Variants in SPAG16 observed in about 807,000 individuals in gnomAD.
SPAG16 encodes the protein sperm-associated antigen 16 protein.
A neutral mutation model predicts 80.4 loss-of-function variants in SPAG16; 86 were observed. That is an observed-to-expected ratio of 1.07 (90% CI 0.90 to 1.28). The LOEUF is 1.28. Ranked by LOEUF, SPAG16 falls within the 50% of genes most tolerant of loss-of-function variation. The pLI is 0.00. For missense variants in SPAG16, 870 were observed against 765.3 expected, an observed-to-expected ratio of 1.14 and a Z score of -1.61; for synonymous variants, 294 against 265.9, an observed-to-expected ratio of 1.11 and a Z score of -1.03.
At chr2:213,405,896 G>T (rs1253123316) in intron 9 of SPAG16, among the ~76,000 whole-genome samples, 1 of 152,158 alleles carries the variant, frequency 6.6e-6, no homozygotes, top group Non-Finnish European at 1.5e-5. Flanking sequence ...ATGTTCTAGG[G>T]AGGATAAGAG....
intron 10 of SPAG16, among the ~76,000 whole-genome samples, chr2:213,567,476 T>C (rs2059814823): frequency 8.5e-6 from 1 of 117,560 alleles, no homozygotes; most frequent in Admixed American, 9.3e-5. Flanking sequence ...AGTGAGAATA[T>C]GCGGTGTTTG....
chr2:214,279,790 A>G (rs535208258), intron 15 of SPAG16, among the ~76,000 whole-genome samples: 10 of 152,342 alleles, frequency 6.6e-5, no homozygotes, highest in Non-Finnish European at 1.0e-4. Flanking sequence ...AGTCTTAGTG[A>G]ATTTTAAAAG....
intron 11 of SPAG16, among the ~76,000 whole-genome samples, chr2:213,878,014 T>G (rs1014312806): frequency 9.9e-5 from 15 of 152,140 alleles, no homozygotes; most frequent in Non-Finnish European, 2.2e-4. Flanking sequence ...CATACCCTCT[T>G]CTCTCCAACA....
At chr2:213,850,705 T>C (rs1434719576) in intron 10 of SPAG16, among the ~76,000 whole-genome samples, 1 of 152,160 alleles carries the variant, frequency 6.6e-6, no homozygotes, top group Non-Finnish European at 1.5e-5. Context: ...TTTTTATGAT[T>C]TTCTTCTGGG....
chr2:213,805,354 G>A (rs986778616), intron 10 of SPAG16, among the ~76,000 whole-genome samples: 4 of 152,158 alleles, frequency 2.6e-5, no homozygotes, highest in Non-Finnish European at 5.9e-5. Flanking sequence ...AACTGATGTG[G>A]CATGTGAGGA....
intron 13 of SPAG16, among the ~76,000 whole-genome samples, chr2:214,074,202 G>C (rs1303142120): frequency 6.6e-6 from 1 of 152,120 alleles, no homozygotes; most frequent in Non-Finnish European, 1.5e-5. Flanking sequence ...TCTGATCTTA[G>C]ACTGCCAGCC....
intron 15 of SPAG16, among the ~76,000 whole-genome samples, chr2:214,347,152 C>T (rs1029015929): frequency 6.6e-6 from 1 of 151,964 alleles, no homozygotes; most frequent in Non-Finnish European, 1.5e-5. Context: ...GAAAGCAGAC[C>T]CTGGCTACGT....
chr2:213,428,464 A>G (rs578012994), intron 9 of SPAG16, among the ~76,000 whole-genome samples: 1 of 152,230 alleles, frequency 6.6e-6, no homozygotes, highest in Admixed American at 6.5e-5. Context: ...GCCAGGTGGG[A>G]TTCTGTGATC....
At chr2:214,069,190 G>A (rs1464831648) in intron 13 of SPAG16, among the ~76,000 whole-genome samples, 1 of 152,038 alleles carries the variant, frequency 6.6e-6, no homozygotes, top group Non-Finnish European at 1.5e-5. Flanking sequence ...TTTTTATAAG[G>A]CTTGAGAATG....
At chr2:213,650,797 T>A (rs531018037) in intron 10 of SPAG16, among the ~76,000 whole-genome samples, 1 of 152,338 alleles carries the variant, frequency 6.6e-6, no homozygotes, top group Admixed American at 6.5e-5. Flanking sequence ...AAAGTAGGCT[T>A]AGTGGAATTC....
chr2:214,144,829 C>T (rs2055555300), intron 14 of SPAG16, among the ~76,000 whole-genome samples: 1 of 152,048 alleles, frequency 6.6e-6, no homozygotes, highest in Non-Finnish European at 1.5e-5. Flanking sequence ...CAAGAAACTA[C>T]TTAGCTGACT....
intron 11 of SPAG16, among the ~76,000 whole-genome samples, chr2:213,923,314 C>G (rs2078309708): frequency 6.6e-6 from 1 of 152,214 alleles, no homozygotes; most frequent in African/African-American, 2.4e-5. Flanking sequence ...CATTGCCTAC[C>G]TGGCTGCCAG....
intron 9 of SPAG16, among the ~76,000 whole-genome samples, chr2:213,474,788 A>G (rs963499787): frequency 6.6e-6 from 1 of 152,186 alleles, no homozygotes; most frequent in Non-Finnish European, 1.5e-5. Flanking sequence ...CAGAACTAAT[A>G]GGAGATATAC....
At chr2:213,334,308 A>G (rs770979634) in intron 5 of SPAG16, among the ~76,000 whole-genome samples, 3 of 152,126 alleles carry the variant, frequency 2.0e-5, no homozygotes, top group Non-Finnish European at 2.9e-5. Context: ...ACAGGTAATA[A>G]TGCTGGCGAG....
At chr2:213,729,330 A>G (rs180750019) in intron 10 of SPAG16, among the ~76,000 whole-genome samples, 1 of 152,268 alleles carries the variant, frequency 6.6e-6, no homozygotes, top group East Asian at 1.9e-4. Flanking sequence ...CCTCTTTGAG[A>G]TTTACTTCCC....
chr2:213,337,856 C>G (rs1381325572), intron 5 of SPAG16, among the ~76,000 whole-genome samples: 1 of 152,030 alleles, frequency 6.6e-6, no homozygotes, highest in African/African-American at 2.4e-5. Context: ...TGTTCAAATT[C>G]AGGAAACCCA....
intron 15 of SPAG16, among the ~76,000 whole-genome samples, chr2:214,259,247 A>T (rs1412652128): frequency 1.3e-5 from 2 of 151,956 alleles, no homozygotes; most frequent in Non-Finnish European, 2.9e-5. Context: ...GGTGGCCAGC[A>T]ACTCAAATAT....
intron 10 of SPAG16, among the ~76,000 whole-genome samples, chr2:213,737,740 G>A (rs536962972): frequency 6.0e-4 from 92 of 152,066 alleles, no homozygotes; most frequent in African/African-American, 2.1e-3. Context: ...AGCCCGCCTC[G>A]GCCTCCCAAA....
intron 10 of SPAG16, among the ~76,000 whole-genome samples, chr2:213,516,811 T>C (rs1210193820): frequency 6.6e-6 from 1 of 152,186 alleles, no homozygotes; most frequent in Non-Finnish European, 1.5e-5. Flanking sequence ...AGAAATACTT[T>C]TTTGGAAAAA....
Sources: gnomAD v4.1 joint callset for allele counts (sites outside exome capture counted in the v4.1 genomes callset) on GRCh38, gnomAD v4.1.1 for gene constraint, MANE v1.5 for transcripts, NCBI Gene and HGNC (gene_info 2026-07-23, HGNC 2026-07-21) for gene names.